The following VAV3 variants were observed in gnomAD, a reference collection of about 807,000 sequenced individuals.
The protein encoded by VAV3 is guanine nucleotide exchange factor VAV3.
In VAV3, 94 loss-of-function variants were observed where a neutral mutation model predicts 131.2. The observed-to-expected ratio is 0.72, with a 90% CI of 0.61 to 0.85. The LOEUF (loss-of-function observed/expected upper bound fraction) is 0.85, where lower values mean the gene tolerates loss of function less well. Ranked by LOEUF, VAV3 falls within the 40% of genes least tolerant of loss-of-function variation. VAV3 has a pLI of 0.00. For missense variants in VAV3, 939 were observed against 1,002.7 expected, an observed-to-expected ratio of 0.94 and a Z score of 0.86; for synonymous variants, 349 against 342.0, an observed-to-expected ratio of 1.02 and a Z score of -0.22.
At chr1:107,644,405 G>A (rs1224209088) in intron 19 of VAV3, among the ~76,000 whole-genome samples, 1 of 151,998 alleles carries the variant, frequency 6.6e-6, no homozygotes, top group African/African-American at 2.4e-5. Flanking sequence ...GCATACCTAG[G>A]GCAAGGAAAG....
intron 2 of VAV3, among the ~76,000 whole-genome samples, chr1:107,851,031 G>A (rs1355687057): frequency 6.6e-6 from 1 of 152,092 alleles, no homozygotes. Context: ...CCCAAGGTAA[G>A]GCTGGGAACA....
intron 2 of VAV3, among the ~76,000 whole-genome samples, chr1:107,866,588 G>A (rs144751203): frequency 0.015 from 2,352 of 151,928 alleles, 47 homozygotes; most frequent in African/African-American, 0.043. Context: ...AGGGAGAGGC[G>A]GGTGGATCAC....
intron 2 of VAV3, among the ~76,000 whole-genome samples, chr1:107,843,943 A>G (rs1161921483): frequency 6.6e-6 from 1 of 152,170 alleles, no homozygotes; most frequent in Non-Finnish European, 1.5e-5. Context: ...AGAAGTATTC[A>G]TGATGAAACT....
intron 2 of VAV3, among the ~76,000 whole-genome samples, chr1:107,830,815 T>C (rs1668216848): frequency 6.6e-6 from 1 of 152,350 alleles, no homozygotes; most frequent in South Asian, 2.1e-4. Context: ...GCAATCCTCC[T>C]ACCTTGGGAG....
chr1:107,694,120 G>A (rs1259092253), intron 17 of VAV3, among the ~76,000 whole-genome samples: 2 of 152,164 alleles, frequency 1.3e-5, no homozygotes, highest in African/African-American at 4.8e-5. Flanking sequence ...TGGGACCTGG[G>A]GGTTTGTTAG....
intron 1 of VAV3, among the ~76,000 whole-genome samples, chr1:107,889,132 A>AGTGTGTGTGT (rs5776903): frequency 0.071 from 10,073 of 141,874 alleles, 446 homozygotes; most frequent in African/African-American, 0.099. Context: ...TCCTGTGTAG[A>AGTGTGTGTGT]GTGTGTGTGT....
At chr1:107,859,219 C>T (rs1044739793) in intron 2 of VAV3, among the ~76,000 whole-genome samples, 3 of 151,972 alleles carry the variant, frequency 2.0e-5, no homozygotes, top group Non-Finnish European at 4.4e-5. Context: ...TACTGGTGCA[C>T]ACCACCAAGC....
At chr1:107,761,276 C>G (rs1664403249) in intron 9 of VAV3, among the ~76,000 whole-genome samples, 1 of 151,586 alleles carries the variant, frequency 6.6e-6, no homozygotes, top group Admixed American at 6.6e-5. Flanking sequence ...GCCTGTAGTC[C>G]CAGCTACTCA....
chr1:107,727,547 T>C (rs1661924645), intron 15 of VAV3, among the ~76,000 whole-genome samples: 2 of 152,246 alleles, frequency 1.3e-5, no homozygotes. Flanking sequence ...ATTTGCCAAA[T>C]GAATTTAAAA....
intron 2 of VAV3, among the ~76,000 whole-genome samples, chr1:107,850,487 G>A (rs1354676667): frequency 2.6e-5 from 4 of 151,670 alleles, no homozygotes; most frequent in Non-Finnish European, 5.9e-5. Flanking sequence ...AAACAAACAT[G>A]GCATGTTCTC....
intron 1 of VAV3, among the ~76,000 whole-genome samples, chr1:107,878,945 G>T (rs998670394): frequency 6.6e-6 from 1 of 151,660 alleles, no homozygotes; most frequent in Non-Finnish European, 1.5e-5. Flanking sequence ...TTACTTACAC[G>T]CTAGTATTCT....
chr1:107,672,105 T>G (rs1657849578), intron 19 of VAV3: 1 of 151,760 alleles, frequency 6.6e-6, no homozygotes, highest in Admixed American at 6.6e-5. Flanking sequence ...CTGCCTCTAC[T>G]AAAAATACAA....
intron 17 of VAV3, among the ~76,000 whole-genome samples, chr1:107,692,661 T>C (rs1397499563): frequency 6.6e-6 from 1 of 152,292 alleles, no homozygotes; most frequent in East Asian, 1.9e-4. Context: ...AGGTTCTAGG[T>C]AGCAGTCTCT....
chr1:107,607,986 C>T (rs1570602645), intron 22 of VAV3, among the ~76,000 whole-genome samples: 1 of 152,114 alleles, frequency 6.6e-6, no homozygotes, highest in Non-Finnish European at 1.5e-5. Context: ...ATTTTGTTCC[C>T]TAGCAGAAGA....
intron 25 of VAV3, among the ~76,000 whole-genome samples, chr1:107,579,390 C>T (rs532727945): frequency 6.6e-6 from 1 of 152,284 alleles, no homozygotes; most frequent in East Asian, 1.9e-4. Context: ...AAACCAAATT[C>T]CTCAACTTAT....
intron 15 of VAV3, among the ~76,000 whole-genome samples, chr1:107,728,531 C>T (rs1011891112): frequency 3.3e-5 from 5 of 151,528 alleles, no homozygotes; most frequent in East Asian, 1.9e-4. Flanking sequence ...TGGTTCCAAT[C>T]GGGGATTCTT....
At chr1:107,759,178 G>T (rs1664281398) in intron 10 of VAV3, among the ~76,000 whole-genome samples, 1 of 151,964 alleles carries the variant, frequency 6.6e-6, no homozygotes. Flanking sequence ...CGTATATCAC[G>T]AGTGCCTAAT....
intron 19 of VAV3, among the ~76,000 whole-genome samples, chr1:107,661,287 A>C (rs1361747618): frequency 2.0e-5 from 3 of 152,084 alleles, no homozygotes. Context: ...AAGAGGTGCC[A>C]CTCTTGCACG....
chr1:107,682,915 A>C (rs1351626782), intron 19 of VAV3, among the ~76,000 whole-genome samples: 1 of 152,220 alleles, frequency 6.6e-6, no homozygotes, highest in Non-Finnish European at 1.5e-5. Context: ...ATGAAAAATA[A>C]TTATACTAAC....
Sources: allele counts gnomAD v4.1 joint callset (sites outside exome capture counted in the v4.1 genomes callset), GRCh38; gene constraint gnomAD v4.1.1; transcripts MANE v1.5; gene names NCBI Gene and HGNC (gene_info 2026-07-23, HGNC 2026-07-21).